HSD17B11: variants seen among roughly 807,000 people sequenced by gnomAD.
HSD17B11 encodes hydroxysteroid 17-beta dehydrogenase 11, also known as estradiol 17-beta-dehydrogenase 11.
Under a neutral mutation model 27.8 loss-of-function variants are expected in HSD17B11, and 22 were observed. That is an observed-to-expected ratio of 0.79 (90% CI 0.56 to 1.13). The LOEUF is 1.13. Ranked by LOEUF, HSD17B11 falls within the 50% of genes most tolerant of loss-of-function variation. The pLI is 0.00. For missense variants in HSD17B11, 314 were observed against 351.1 expected, an observed-to-expected ratio of 0.89 and a Z score of 0.84; for synonymous variants, 117 against 132.8, an observed-to-expected ratio of 0.88 and a Z score of 0.82.
At chr4:87,374,875 A>G in intron 2 of HSD17B11, 45 bp from the exon 3 acceptor site, 1 of 1,446,974 alleles carries the variant, frequency 6.9e-7, no homozygotes, top group African/African-American at 1.4e-5. Context: ...AAGAGGTATG[A>G]GGGTAAGTTT....
chr4:87,390,447 G>A (rs1720428839), intron 1 of HSD17B11, among the ~76,000 whole-genome samples: 2 of 152,288 alleles, frequency 1.3e-5, no homozygotes. Context: ...TGAGCCAACG[G>A]CGAGTATAAT....
rs148193788 is a variant in HSD17B11, at chr4:87,363,787, G to A, written c.558-6371C>T. On this transcript the variant is annotated intron_variant, in intron 4 of 6. Coordinates refer to ENST00000358290, the MANE Select transcript of HSD17B11 (RefSeq NM_016245.5). Reference sequence around the variant, plus strand: ...GTAGCTAAGGTTTTGCACTTTCACAGTGGCAGTCTAGGTTCAATTCCCCAC... The same window carrying A: ...GTAGCTAAGGTTTTGCACTTTCACAATGGCAGTCTAGGTTCAATTCCCCAC... 9.1e-4 allele frequency among the ~76,000 whole-genome samples: 138 copies of A among 152,322 alleles called. 2 individuals are homozygous for A. In the South Asian group the frequency reaches 0.027, roughly 30 times the overall value.
chr4:87,386,563 T>C (rs973219244), intron 1 of HSD17B11, among the ~76,000 whole-genome samples: 9 of 151,448 alleles, frequency 5.9e-5, no homozygotes, highest in African/African-American at 1.7e-4. Context: ...GCCCTGTAGA[T>C]AGTTGGTAAG....
chr4:87,390,808 A>C (rs1036838873), intron 1 of HSD17B11, 53 bp downstream of exon 1: 1 of 1,511,724 alleles, frequency 6.6e-7, no homozygotes, highest in Admixed American at 1.7e-5. Flanking sequence ...CAAAATGCAG[A>C]CACATCCACA....
At chr4:87,390,530 A>G (rs1720431082) in intron 1 of HSD17B11, among the ~76,000 whole-genome samples, 1 of 152,192 alleles carries the variant, frequency 6.6e-6, no homozygotes, top group Admixed American at 6.5e-5. Flanking sequence ...TACTCTTTTA[A>G]TATATAGCTA....
At chr4:87,382,731 G>A (rs1048109989) in intron 1 of HSD17B11, among the ~76,000 whole-genome samples, 3 of 152,128 alleles carry the variant, frequency 2.0e-5, no homozygotes, top group African/African-American at 7.2e-5. Flanking sequence ...ACTATTCATG[G>A]ATGTCAGTTT....
intron 5 of HSD17B11, among the ~76,000 whole-genome samples, chr4:87,341,912 G>C (rs1226440580): frequency 6.6e-6 from 1 of 152,038 alleles, no homozygotes; most frequent in Non-Finnish European, 1.5e-5. Flanking sequence ...ATCAGTTACA[G>C]AAGTGCAATT....
chr4:87,369,831 A>G (rs1735676473), intron 4 of HSD17B11, among the ~76,000 whole-genome samples: 1 of 152,202 alleles, frequency 6.6e-6, no homozygotes, highest in South Asian at 2.1e-4. Context: ...CATGCTTATA[A>G]ATTGGCTATT....
chr4:87,347,103 A>ATTTTTTTTT (rs763068482), intron 5 of HSD17B11, among the ~76,000 whole-genome samples: 7 of 62,588 alleles, frequency 1.1e-4, no homozygotes, highest in Non-Finnish European at 1.6e-4. Context: ...AGTATTCTGG[A>ATTTTTTTTT]TTTTTTTTTT....
rs1397857682 is a variant in HSD17B11 at position 87,357,262 on chromosome 4, T to C, written c.695+17A>G. 1.2e-6 allele frequency: 2 copies of C among 1,608,010 alleles called. No individual in the cohort carries two copies. Among genetic ancestry groups the C allele is most frequent in the Non-Finnish European group, 1.7e-6 (2 of 1,178,092 alleles). On this transcript the variant is annotated intron_variant, in intron 5 of 6. Coordinates refer to ENST00000358290, the MANE Select transcript of HSD17B11 (RefSeq NM_016245.5). Reference sequence around the variant, plus strand: ...CATAGCAACCACCAATCCTTTTGTCTCAATTTCTCAACTTACCTTGTACTT... The same window carrying C: ...CATAGCAACCACCAATCCTTTTGTCCCAATTTCTCAACTTACCTTGTACTT...
chr4:87,372,701 T>C lies in HSD17B11; in HGVS notation c.557+8A>G, dbSNP rs1156693497. On this transcript the variant is annotated splice_region_variant and intron_variant, in intron 4 of 6. Transcript: ENST00000358290. ...AAGAACCAATGAAGGAAACACATGT[T>C]CACATACCAGTAAGCCAGTAAGAAG... The C allele has an allele frequency of 4.5e-6, 7 of 1,553,222 alleles. No individual in the cohort carries two copies. The highest frequency in any genetic ancestry group is 6.2e-6 in the Non-Finnish European group (7 of 1,124,974).
Position 87,357,949 on chromosome 4 carries a change from ATTTTTTTTT to A in HSD17B11, c.558-542_558-534del, listed in dbSNP as rs57139706. Among the ~76,000 whole-genome samples, 21 of 80,238 alleles carry A rather than the reference ATTTTTTTTT, an allele frequency of 2.6e-4. No homozygotes were observed. The East Asian group carries it at 5.2e-3, about 20-fold the overall frequency. The allele number at this position is 80,238 out of a possible 152,430, so 52.6% of individuals were successfully genotyped here. ...TTGTAACTGAACATTCATTAGAGAA[ATTTTTTTTT>A]TTTTTTTTTTTTTTTTTTTTTGAGA... On this transcript the variant is annotated intron_variant, in intron 4 of 6. Transcript: ENST00000358290.
At position 87,337,169 on chromosome 4, in the gene HSD17B11, A is replaced by G. The variant is rs1735070668; in HGVS notation, c.*107T>C. The G allele has an allele frequency of 2.7e-6, 2 of 753,116 alleles. No homozygotes were observed. The highest frequency in any genetic ancestry group is 1.5e-5 in the South Asian group (1 of 64,920). 46.7% of individuals were successfully genotyped at this position (753,116 alleles called of 1,614,324 possible). ...GCCAAAGCCTCAAAAATGATATTGA[A>G]GAAATGGGGATAATTAGAAAAAACA... On this transcript the variant is annotated 3_prime_UTR_variant, in exon 7 of 7. Transcript: ENST00000358290.
intron 4 of HSD17B11, among the ~76,000 whole-genome samples, chr4:87,359,368 T>G (rs924400745): frequency 6.6e-6 from 1 of 152,224 alleles, no homozygotes; most frequent in Non-Finnish European, 1.5e-5. Flanking sequence ...TTCTGATGCA[T>G]TTTGGAGTTT....
At chr4:87,378,712 T>C (rs1719978268) in intron 2 of HSD17B11, among the ~76,000 whole-genome samples, 1 of 141,366 alleles carries the variant, frequency 7.1e-6, no homozygotes, top group South Asian at 2.2e-4. Flanking sequence ...ATCCTTCTAC[T>C]CTCTATCTCC....
chr4:87,389,067 G>A (rs958666048), intron 1 of HSD17B11, among the ~76,000 whole-genome samples: 1 of 152,080 alleles, frequency 6.6e-6, no homozygotes, highest in Non-Finnish European at 1.5e-5. Context: ...CTAAAGCTGT[G>A]GAAACGTTGA....
intron 5 of HSD17B11, among the ~76,000 whole-genome samples, chr4:87,353,732 G>A (rs1469090837): frequency 1.0e-5 from 1 of 97,380 alleles, no homozygotes; most frequent in Non-Finnish European, 2.9e-5. Context: ...CGGCCTTGTA[G>A]GGGGGGCAAG....
chr4:87,343,615 T>G (rs916159628), intron 5 of HSD17B11, among the ~76,000 whole-genome samples: 1 of 149,862 alleles, frequency 6.7e-6, no homozygotes, highest in Middle Eastern at 3.2e-3. Flanking sequence ...TGGCACGATC[T>G]CAGCTCACTG....
chr4:87,387,992 C>A (rs1449425829), intron 1 of HSD17B11, among the ~76,000 whole-genome samples: 1 of 152,058 alleles, frequency 6.6e-6, no homozygotes, highest in African/African-American at 2.4e-5. Context: ...CTGGAGGATC[C>A]TCTTCAATAG....
Sources: allele counts gnomAD v4.1 joint callset (sites outside exome capture counted in the v4.1 genomes callset), GRCh38; gene constraint gnomAD v4.1.1; transcripts MANE v1.5; gene names NCBI Gene and HGNC (gene_info 2026-07-23, HGNC 2026-07-21).